TPST1: variants seen among roughly 807,000 people sequenced by gnomAD.
TPST1 encodes the protein protein-tyrosine sulfotransferase 1.
In TPST1, 20 loss-of-function variants were observed where a neutral mutation model predicts 34.8. The ratio of observed to expected loss-of-function variants is 0.57; its 90% CI spans 0.40 to 0.84. The LOEUF is 0.84. TPST1 is among the 40% of genes least tolerant of loss of function. The pLI is 0.00. For missense variants in TPST1, 353 were observed against 455.5 expected (o/e 0.78, Z 2.05); for synonymous variants, 152 against 159.4 (o/e 0.95, Z 0.35).
At chr7:66,281,957 G>A (rs946204948) in intron 2 of TPST1, among the ~76,000 whole-genome samples, 7 of 152,168 alleles carry the variant, frequency 4.6e-5, no homozygotes, top group African/African-American at 9.7e-5. Context: ...TGCCACAGAC[G>A]GAAGGAAGCC....
chr7:66,306,036 G>A (rs1791415846), intron 3 of TPST1, among the ~76,000 whole-genome samples: 1 of 152,166 alleles, frequency 6.6e-6, no homozygotes, highest in East Asian at 1.9e-4. Flanking sequence ...GACAGGACCT[G>A]TGACTTGCTT....
At chr7:66,228,360 A>G (rs1253786851) in intron 1 of TPST1, among the ~76,000 whole-genome samples, 1 of 152,234 alleles carries the variant, frequency 6.6e-6, no homozygotes, top group African/African-American at 2.4e-5. Flanking sequence ...AATTTTTGAA[A>G]GAAGTTGAAT....
In TPST1 at chr7:66,360,098, C is replaced by T. The variant is rs1380251867; in HGVS notation, c.*233C>T. On this transcript the variant is annotated 3_prime_UTR_variant, in exon 6 of 6. Coordinates refer to ENST00000304842, the MANE Select transcript of TPST1 (RefSeq NM_003596.4). ...AAGAGCTCTTGATCCCGATTTCATG[C>T]ACAGCCCTGCAGTAAGGAGCCCAGA... The T allele has an allele frequency of 1.0e-5, 4 of 391,258 alleles. No homozygotes were observed. Among genetic ancestry groups the T allele is most frequent in the Admixed American group, 2.8e-5 (1 of 35,622 alleles). The allele number at this position is 391,258 out of a possible 1,614,324, so 24.2% of individuals were successfully genotyped here.
intron 2 of TPST1, among the ~76,000 whole-genome samples, chr7:66,262,424 C>T (rs1790506111): frequency 6.6e-6 from 1 of 152,172 alleles, no homozygotes; most frequent in Non-Finnish European, 1.5e-5. Context: ...TCCATGCCCT[C>T]CTTCCTCCTA....
At chr7:66,328,886 C>CTCTATA (rs757168858) in intron 3 of TPST1, among the ~76,000 whole-genome samples, 10 of 22,090 alleles carry the variant, frequency 4.5e-4, no homozygotes, top group Middle Eastern at 0.029. Flanking sequence ...CTCTCTCTCT[C>CTCTATA]TATATATATA....
intron 3 of TPST1, among the ~76,000 whole-genome samples, chr7:66,311,525 T>C (rs1261106046): frequency 2.0e-5 from 3 of 152,198 alleles, no homozygotes; most frequent in African/African-American, 7.2e-5. Context: ...TAGCACATTT[T>C]ACCATCTCTC....
At chr7:66,319,284 A>C (rs577298571) in intron 3 of TPST1, among the ~76,000 whole-genome samples, 1 of 152,272 alleles carries the variant, frequency 6.6e-6, no homozygotes, top group African/African-American at 2.4e-5. Context: ...TCTGCTAGAT[A>C]ATTTCTTTAG....
chr7:66,330,127 A>T (rs1791969201), intron 3 of TPST1, among the ~76,000 whole-genome samples: 1 of 152,192 alleles, frequency 6.6e-6, no homozygotes, highest in African/African-American at 2.4e-5. Flanking sequence ...ATCAACCCAG[A>T]TGGCCATTTC....
chr7:66,214,832 A>G (rs1338991335), intron 1 of TPST1, among the ~76,000 whole-genome samples: 1 of 148,692 alleles, frequency 6.7e-6, no homozygotes, highest in Non-Finnish European at 1.5e-5. Context: ...AAAAATATAT[A>G]TATAAATATA....
chr7:66,273,906 G>A (rs751593426), intron 2 of TPST1, among the ~76,000 whole-genome samples: 8 of 152,052 alleles, frequency 5.3e-5, no homozygotes, highest in African/African-American at 9.7e-5. Flanking sequence ...GGGTTCAAGC[G>A]ATTCTCTCAC....
At chr7:66,296,676 G>GTT (rs55888171) in intron 3 of TPST1, among the ~76,000 whole-genome samples, 3,497 of 92,044 alleles carry the variant, frequency 0.038, 117 homozygotes, top group East Asian at 0.078. Flanking sequence ...TACTGGGTTG[G>GTT]TTTTTTTTTT....
chr7:66,346,254 A>G (rs541272862), intron 3 of TPST1, among the ~76,000 whole-genome samples: 1 of 152,140 alleles, frequency 6.6e-6, no homozygotes, highest in East Asian at 1.9e-4. Flanking sequence ...TTGATCCCAA[A>G]TCTTGGCTAT....
intron 2 of TPST1, among the ~76,000 whole-genome samples, chr7:66,282,666 C>T (rs1790955143): frequency 6.6e-6 from 1 of 152,072 alleles, no homozygotes; most frequent in African/African-American, 2.4e-5. Context: ...ATAACTAGAA[C>T]CCATGGAAAG....
At chr7:66,251,341 T>A (rs571764824) in intron 2 of TPST1, among the ~76,000 whole-genome samples, 4 of 152,322 alleles carry the variant, frequency 2.6e-5, no homozygotes, top group African/African-American at 9.6e-5. Context: ...GCCTTTAGAA[T>A]AGCACCTGGC....
At chr7:66,317,262 G>T (rs1472337765) in intron 3 of TPST1, among the ~76,000 whole-genome samples, 1 of 151,940 alleles carries the variant, frequency 6.6e-6, no homozygotes, top group Non-Finnish European at 1.5e-5. Flanking sequence ...CAGTTTTGGT[G>T]GGGGGTTTGC....
At chr7:66,224,886 G>C (rs1248023904) in intron 1 of TPST1, among the ~76,000 whole-genome samples, 1 of 130,890 alleles carries the variant, frequency 7.6e-6, no homozygotes, top group Non-Finnish European at 1.6e-5. Flanking sequence ...AACTGAGCCT[G>C]AACATTCTGG....
intron 3 of TPST1, among the ~76,000 whole-genome samples, chr7:66,329,136 C>T (rs1038780879): frequency 1.3e-5 from 2 of 151,530 alleles, no homozygotes; most frequent in African/African-American, 4.9e-5. Context: ...TGTTCTCGAG[C>T]TCCTGGAACT....
At chr7:66,226,122 C>T (rs1169202495) in intron 1 of TPST1, among the ~76,000 whole-genome samples, 2 of 151,938 alleles carry the variant, frequency 1.3e-5, no homozygotes, top group African/African-American at 2.4e-5. Context: ...CTCCTGACCT[C>T]GTGATCCGCC....
At position 66,240,930 on chromosome 7, in the gene TPST1, T is replaced by TA; in HGVS notation, c.506dup (p.Tyr169Ter). Residue 169 changes from tyrosine to a stop codon, truncating the protein, a stop_gained and frameshift_variant, in exon 2 of 6, where the codon TAC becomes TAAC. Coordinates refer to ENST00000304842, the MANE Select transcript of TPST1 (RefSeq NM_003596.4). LOFTEE classifies it high-confidence loss of function. Reference protein sequence around the residue: ...KDPFALKSLTYLSRLFPNAKF... With the variant: ...KDPFALKSLT ...TCCTTTTGCCCTGAAATCTTTAACT[T>TA]ACCTTTCTAGGTTATTCCCCAATGC... 6.2e-7 allele frequency: 1 copy of TA among 1,614,230 alleles called. No individual in the cohort carries two copies.
Sources: gnomAD v4.1 joint callset for allele counts (sites outside exome capture counted in the v4.1 genomes callset) on GRCh38, gnomAD v4.1.1 for gene constraint, MANE v1.5 for transcripts, NCBI Gene and HGNC (gene_info 2026-07-23, HGNC 2026-07-21) for gene names.